NRG1: variants seen among roughly 807,000 people sequenced by gnomAD.
NRG1 encodes neuregulin 1.
In NRG1, 18 loss-of-function variants were observed where a neutral mutation model predicts 63.8. The ratio of observed to expected loss-of-function variants is 0.28; its 90% confidence interval spans 0.19 to 0.42. The LOEUF (loss-of-function observed/expected upper bound fraction) is 0.42, where lower values mean the gene tolerates loss of function less well. Among genes scored for constraint, NRG1 ranks in the 10% least tolerant of loss-of-function variants. NRG1 has a pLI of 1.00. For missense variants in NRG1, 762 were observed against 814.7 expected (o/e 0.94, Z 0.79); for synonymous variants, 302 against 301.3 (o/e 1.00, Z -0.02).
chr8:31,920,089 C>G (rs1277142269), intron 1 of NRG1, among the ~76,000 whole-genome samples: 1 of 152,014 alleles, frequency 6.6e-6, no homozygotes, highest in Non-Finnish European at 1.5e-5. Flanking sequence ...TTTGTTACAG[C>G]TAACCTAATA....
At chr8:32,133,237 T>C (rs1429805597) in intron 1 of NRG1, among the ~76,000 whole-genome samples, 1 of 152,072 alleles carries the variant, frequency 6.6e-6, no homozygotes, top group Non-Finnish European at 1.5e-5. Flanking sequence ...TTAGAATCAG[T>C]GGTGTGCTGG....
chr8:32,459,532 G>A (rs1352420049), intron 1 of NRG1, among the ~76,000 whole-genome samples: 3 of 151,568 alleles, frequency 2.0e-5, no homozygotes, highest in Non-Finnish European at 4.4e-5. Context: ...GCTACTCCAG[G>A]AGGCTGAGGT....
At chr8:32,711,112 C>T (rs948162850) in intron 5 of NRG1, among the ~76,000 whole-genome samples, 15 of 152,126 alleles carry the variant, frequency 9.9e-5, no homozygotes, top group Non-Finnish European at 5.9e-5. Context: ...GAGGCGTCAT[C>T]GGGCAGAATA....
intron 1 of NRG1, among the ~76,000 whole-genome samples, chr8:31,914,441 A>C (rs1280185039): frequency 1.3e-5 from 2 of 150,532 alleles, no homozygotes; most frequent in Non-Finnish European, 2.9e-5. Context: ...CTGCTGCCTG[A>C]GTGTCAACAT....
chr8:31,931,935 G>A (rs418362), intron 1 of NRG1, among the ~76,000 whole-genome samples: 136,879 of 152,260 alleles, frequency 0.9, 62,320 homozygotes, highest in African/African-American at 0.97. Context: ...AAAGCTGGAA[G>A]ACAGGGAGGC....
chr8:31,667,104 A>G (rs1232797345), intron 1 of NRG1, among the ~76,000 whole-genome samples: 6 of 152,200 alleles, frequency 3.9e-5, no homozygotes, highest in Non-Finnish European at 8.8e-5. Flanking sequence ...CGTTCGTCTC[A>G]ATTCATATCA....
intron 1 of NRG1, among the ~76,000 whole-genome samples, chr8:32,142,509 T>G (rs1836395484): frequency 1.3e-5 from 2 of 152,168 alleles, no homozygotes; most frequent in South Asian, 4.1e-4. Context: ...CTACAAGCAT[T>G]AGGTTTCTAA....
intron 3 of NRG1, 83 bp downstream of exon 3, chr8:32,605,766 G>A (rs540397311): frequency 7.0e-7 from 1 of 1,436,708 alleles, no homozygotes; most frequent in African/African-American, 1.4e-5. Context: ...ATAGACTGGT[G>A]TGTTAAATCT....
intron 7 of NRG1, among the ~76,000 whole-genome samples, chr8:32,745,671 G>GTGT: frequency 9.1e-6 from 1 of 109,346 alleles, no homozygotes; most frequent in Admixed American, 9.2e-5. Flanking sequence ...TGTGGTGTGT[G>GTGT]GGGGGTGTGT....
intron 1 of NRG1, among the ~76,000 whole-genome samples, chr8:32,036,092 T>C (rs1819010685): frequency 1.3e-5 from 2 of 152,214 alleles, no homozygotes; most frequent in African/African-American, 4.8e-5. Flanking sequence ...CCATATTTAG[T>C]GCTTCCTTCA....
chr8:32,371,992 ATT>A (rs60780562), intron 1 of NRG1, among the ~76,000 whole-genome samples: 170 of 129,424 alleles, frequency 1.3e-3, no homozygotes, highest in Middle Eastern at 0.013. Flanking sequence ...CTTCTTCTTC[ATT>A]TTTTTTTTTT....
chr8:31,995,113 A>T (rs1036847145), intron 1 of NRG1, among the ~76,000 whole-genome samples: 47 of 151,938 alleles, frequency 3.1e-4, no homozygotes, highest in African/African-American at 1.1e-3. Context: ...ATCTTACTTT[A>T]TATCCCCATA....
At chr8:31,756,492 A>C (rs1378163368) in intron 1 of NRG1, among the ~76,000 whole-genome samples, 1 of 152,042 alleles carries the variant, frequency 6.6e-6, no homozygotes, top group East Asian at 1.9e-4. Context: ...TTAATGATGG[A>C]CACTGTCTGC....
intron 1 of NRG1, among the ~76,000 whole-genome samples, chr8:31,850,173 T>C (rs543260601): frequency 2.0e-5 from 3 of 152,190 alleles, no homozygotes; most frequent in African/African-American, 4.8e-5. Flanking sequence ...CAAAGCAGTA[T>C]CTCTCCAAGC....
At chr8:32,290,907 A>ATG (rs148186950) in intron 1 of NRG1, among the ~76,000 whole-genome samples, 16,941 of 149,762 alleles carry the variant, frequency 0.11, 1,113 homozygotes, top group Middle Eastern at 0.16. Flanking sequence ...GAGACACAGG[A>ATG]TGTGTGTGTG....
At chr8:31,759,847 A>C (rs1478277253) in intron 1 of NRG1, among the ~76,000 whole-genome samples, 1 of 152,104 alleles carries the variant, frequency 6.6e-6, no homozygotes, top group Non-Finnish European at 1.5e-5. Context: ...TGAGTCTATT[A>C]TCTCTCTCAA....
chr8:32,088,581 G>C (rs755442785), intron 1 of NRG1, among the ~76,000 whole-genome samples: 2 of 149,574 alleles, frequency 1.3e-5, no homozygotes, highest in South Asian at 2.1e-4. Flanking sequence ...GCAGTGGTGC[G>C]ATCTGGGCTC....
intron 1 of NRG1, among the ~76,000 whole-genome samples, chr8:32,578,064 A>G (rs1839982911): frequency 6.6e-6 from 1 of 152,008 alleles, no homozygotes; most frequent in African/African-American, 2.4e-5. Flanking sequence ...GCTCCATCTG[A>G]GCTCACGGCA....
intron 1 of NRG1, among the ~76,000 whole-genome samples, chr8:31,686,872 A>G (rs1184646695): frequency 6.6e-6 from 1 of 151,820 alleles, no homozygotes; most frequent in Non-Finnish European, 1.5e-5. Flanking sequence ...TGGTTCAACG[A>G]TTTCTCTGTC....
Sources: allele counts gnomAD v4.1 joint callset (sites outside exome capture counted in the v4.1 genomes callset), GRCh38; gene constraint gnomAD v4.1.1; transcripts MANE v1.5; gene names NCBI Gene and HGNC (gene_info 2026-07-23, HGNC 2026-07-21).